ABI1: variants seen among roughly 807,000 people sequenced by gnomAD.
ABI1 encodes abl interactor 1, also known as Abelson interactor 1.
A neutral mutation model predicts 54.6 loss-of-function variants in ABI1; 14 were observed. The observed-to-expected ratio is 0.26, with a 90% CI of 0.17 to 0.40. The LOEUF is 0.40. Among genes scored for constraint, ABI1 ranks in the 10% least tolerant of loss-of-function variants. ABI1 has a pLI of 1.00. For synonymous variants in ABI1, 194 were observed against 209.3 expected, an observed-to-expected ratio of 0.93 and a Z score of 0.63; for missense variants, 443 against 598.3, an observed-to-expected ratio of 0.74 and a Z score of 2.71.
At chr10:26,825,924 G>T (rs959282371) in intron 1 of ABI1, among the ~76,000 whole-genome samples, 18 of 152,138 alleles carry the variant, frequency 1.2e-4, no homozygotes, top group African/African-American at 4.3e-4. Context: ...TTCTCTTGCT[G>T]TTCCCACCAT....
In ABI1 at chr10:26,860,925, A is replaced by G; in HGVS notation, c.-62T>C. ...GAGACAGAGGCAGCAAGGTCCGCCGAGGCTCCGAGCACCTCACAGCCCGGA... is the reference window on the plus strand; with the variant it reads ...GAGACAGAGGCAGCAAGGTCCGCCGGGGCTCCGAGCACCTCACAGCCCGGA... On this transcript the variant is annotated 5_prime_UTR_variant, in exon 1 of 11. Coordinates refer to ENST00000376140, the MANE Select transcript of ABI1 (RefSeq NM_001012750.3). The surrounding 1 kb of genome is among the most constrained non-coding windows in gnomAD (Gnocchi z 4.1). 6.6e-7 allele frequency: 1 copy of G among 1,504,832 alleles called. No homozygotes were observed. Among genetic ancestry groups the G allele is most frequent in the Non-Finnish European group, 9.2e-7 (1 of 1,084,384 alleles). The allele number at this position is 1,504,832 out of a possible 1,614,324, so 93.2% of individuals were successfully genotyped here.
At chr10:26,841,155 C>G (rs1313693978) in intron 1 of ABI1, among the ~76,000 whole-genome samples, 1 of 152,140 alleles carries the variant, frequency 6.6e-6, no homozygotes, top group African/African-American at 2.4e-5. Flanking sequence ...TACTATCTGG[C>G]CCTTTACAGG....
chr10:26,784,558 A>G (rs1232482907), intron 2 of ABI1, among the ~76,000 whole-genome samples: 1 of 144,472 alleles, frequency 6.9e-6, no homozygotes, highest in Non-Finnish European at 1.5e-5. Flanking sequence ...GTGGGGGGGA[A>G]TGGGGGGAGC....
intron 2 of ABI1, among the ~76,000 whole-genome samples, chr10:26,817,004 G>GTGTGTGTGTGTA: frequency 6.6e-6 from 1 of 151,734 alleles, no homozygotes; most frequent in South Asian, 2.1e-4. Flanking sequence ...GTGTGTGTGT[G>GTGTGTGTGTGTA]TGTGTGTGTG....
intron 1 of ABI1, among the ~76,000 whole-genome samples, chr10:26,833,930 A>T (rs1348078577): frequency 6.6e-6 from 1 of 152,198 alleles, no homozygotes; most frequent in Admixed American, 6.5e-5. Context: ...ACAAATTATT[A>T]AAAAATTAAT....
intron 2 of ABI1, among the ~76,000 whole-genome samples, chr10:26,805,311 G>C (rs1485529253): frequency 6.6e-6 from 1 of 151,978 alleles, no homozygotes; most frequent in Non-Finnish European, 1.5e-5. Flanking sequence ...CAGTAGCCTG[G>C]TGAGTGAACG....
At position 26,830,624 on chromosome 10, in the gene ABI1, TA is replaced by T. The variant is rs71403893; in HGVS notation, c.118-7320del. Among the ~76,000 whole-genome samples, 1,080 of 126,268 alleles carry T rather than the reference TA, an allele frequency of 8.6e-3. 8 individuals are homozygous for T. Among genetic ancestry groups the T allele is most frequent in the African/African-American group, 0.02 (697 of 34,750 alleles). The allele number at this position is 126,268 out of a possible 152,430, so 82.8% of individuals were successfully genotyped here. A position where few individuals can be genotyped will look rare whatever the true frequency, so the allele number is the denominator to read the frequency against. The stretch of plus-strand genomic sequence containing the variant: ...CAACAGAACAAGACCCTGTCTCCTT[TA>T]AAAAAAAAAAAAAAAACAAAACTAC... On this transcript the variant is annotated intron_variant, in intron 1 of 10. Coordinates refer to ENST00000376140, the MANE Select transcript of ABI1 (RefSeq NM_001012750.3).
chr10:26,849,909 T>G (rs755934656), intron 1 of ABI1, among the ~76,000 whole-genome samples: 1 of 152,222 alleles, frequency 6.6e-6, no homozygotes, highest in Non-Finnish European at 1.5e-5. Flanking sequence ...GCAATGTATT[T>G]TAAAGTAATG....
At chr10:26,854,473 A>AG (rs1299169059) in intron 1 of ABI1, among the ~76,000 whole-genome samples, 1 of 152,062 alleles carries the variant, frequency 6.6e-6, no homozygotes, top group African/African-American at 2.4e-5. Context: ...AGGAAAGAAA[A>AG]GAAAAAAAAA....
intron 8 of ABI1, among the ~76,000 whole-genome samples, chr10:26,758,054 G>GTGAA (rs1303268888): frequency 9.2e-6 from 1 of 108,466 alleles, no homozygotes; most frequent in African/African-American, 3.8e-5. Flanking sequence ...GGCGACAAGA[G>GTGAA]TGAAACTCTG....
intron 7 of ABI1, chr10:26,763,737 G>A: frequency 3.1e-6 from 2 of 650,208 alleles, no homozygotes. Context: ...CCAGAAGTTA[G>A]TGATATTAGA....
chr10:26,823,197 G>A lies in ABI1; in HGVS notation c.226C>T (p.Leu76=), dbSNP rs1482563158. Residue 76 remains leucine, a synonymous_variant, in exon 2 of 11, where the codon CTG becomes TTG. Coordinates refer to ENST00000376140, the MANE Select transcript of ABI1 (RefSeq NM_001012750.3). ...NALANNVLQL[L]DIQASQLRRM... The stretch of plus-strand genomic sequence containing the variant: ...CGAAGCTGAGAGGCTTGGATATCCA[G>A]CAACTGGAGTACATTGTTGGCCAAT... 9 of 1,604,526 alleles carry A rather than the reference G, an allele frequency of 5.6e-6. No individual in the cohort carries two copies. Among genetic ancestry groups the A allele is most frequent in the African/African-American group, 2.7e-5 (2 of 74,236 alleles).
At position 26,768,980 on chromosome 10, in the gene ABI1, A is replaced by G; in HGVS notation, c.591T>C (p.Pro197=). 7 of 1,610,532 alleles carry G rather than the reference A, an allele frequency of 4.3e-6. No individual in the cohort carries two copies. The highest frequency in any genetic ancestry group is 5.9e-6 in the Non-Finnish European group (7 of 1,178,238). ...GTTTAACAGGTTCCAGGGTTTTATA[A>G]GGAGTATTCCGTCTAAAGGAGCATA... The part of the protein sequence containing the change: ...SGRGTLGRNT[P]YKTLEPVKPP... Residue 197 remains proline (P), a synonymous_variant, in exon 6 of 11, where the codon CCT becomes CCC. Coordinates refer to ENST00000376140, the MANE Select transcript of ABI1 (RefSeq NM_001012750.3).
chr10:26,834,539 G>A (rs10764648), intron 1 of ABI1, among the ~76,000 whole-genome samples: 38,998 of 138,556 alleles, frequency 0.28, 5,905 homozygotes, highest in South Asian at 0.46. Flanking sequence ...TACTTCTCAA[G>A]ACATACAAAA....
At chr10:26,769,080 C>G (rs1281529307) in intron 5 of ABI1, 88 bp from the exon 6 acceptor site, 2 of 978,100 alleles carry the variant, frequency 2.0e-6, no homozygotes, top group African/African-American at 3.4e-5. Flanking sequence ...CCTTTGTGAC[C>G]ATGTATACCA....
intron 1 of ABI1, among the ~76,000 whole-genome samples, chr10:26,853,638 A>C (rs1215849203): frequency 6.7e-6 from 1 of 150,150 alleles, no homozygotes; most frequent in African/African-American, 2.5e-5. Context: ...CTCCGGGTTC[A>C]CGCCATTCAG....
chr10:26,854,086 A>G (rs1285447558), intron 1 of ABI1, among the ~76,000 whole-genome samples: 1 of 152,184 alleles, frequency 6.6e-6, no homozygotes, highest in Non-Finnish European at 1.5e-5. Context: ...CACAAGGACT[A>G]TTAGCATTCC....
chr10:26,857,862 A>AAAAG (rs576963898), intron 1 of ABI1, among the ~76,000 whole-genome samples: 3 of 148,258 alleles, frequency 2.0e-5, no homozygotes, highest in Non-Finnish European at 1.5e-5. Flanking sequence ...AAAAAAAAAA[A>AAAAG]AAAGAAAGAA....
At chr10:26,785,579 G>T (rs866730359) in intron 2 of ABI1, among the ~76,000 whole-genome samples, 1 of 152,060 alleles carries the variant, frequency 6.6e-6, no homozygotes, top group African/African-American at 2.4e-5. Context: ...AAAATTAGCC[G>T]GGCACGGTGG....
Sources: gnomAD v4.1 joint callset for allele counts (sites outside exome capture counted in the v4.1 genomes callset) on GRCh38, gnomAD v4.1.1 for gene constraint, Gnocchi (gnomAD v3.1) non-coding constraint, MANE v1.5 for transcripts, NCBI Gene and HGNC (gene_info 2026-07-23, HGNC 2026-07-21) for gene names.